IL17D: variants seen among roughly 807,000 people sequenced by gnomAD.
The protein encoded by IL17D is interleukin-17D.
In IL17D, 10 loss-of-function variants were observed where a neutral mutation model predicts 5.7. That is an observed-to-expected ratio of 1.75 (90% confidence interval 1.08 to 2.97). IL17D has a LOEUF of 2.97. IL17D is among the 30% of genes most tolerant of loss of function. IL17D has a pLI of 0.00. For missense variants in IL17D, 354 were observed against 292.7 expected (o/e 1.21, Z -1.53); for synonymous variants, 172 against 141.7 (o/e 1.21, Z -1.52).
intron 1 of IL17D, among the ~76,000 whole-genome samples, chr13:20,709,699 CTG>C (rs66818715): frequency 0.64 from 97,180 of 151,848 alleles, 32,524 homozygotes; most frequent in Non-Finnish European, 0.75. Flanking sequence ...ACTCTTGTAT[CTG>C]TTAAAGTTTT....
intron 1 of IL17D, among the ~76,000 whole-genome samples, chr13:20,707,881 C>T (rs1566517782): frequency 6.6e-6 from 1 of 152,036 alleles, no homozygotes; most frequent in Non-Finnish European, 1.5e-5. Context: ...GGAGTGCCCA[C>T]CTGCAGGCTG....
At position 20,721,992 on chromosome 13, in the gene IL17D, C is replaced by T; in HGVS notation, c.*38C>T. On this transcript the variant is annotated 3_prime_UTR_variant, in exon 2 of 2. Transcript: ENST00000682841. ...CCCGGGAGGTCTCCCCGGCCCGCAT[C>T]CCGAGGCGCCCAAGCTGGAGCCGCC... 2 of 1,501,212 alleles carry T rather than the reference C, an allele frequency of 1.3e-6. No individual in the cohort carries two copies. The highest frequency in any genetic ancestry group is 2.1e-5 in the Admixed American group (1 of 47,440). The allele number at this position is 1,501,212 out of a possible 1,614,324, so 93.0% of individuals were successfully genotyped here. A position where few individuals can be genotyped will look rare whatever the true frequency, so the allele number is the denominator to read the frequency against.
At chr13:20,709,512 A>G (rs2058617558) in intron 1 of IL17D, among the ~76,000 whole-genome samples, 2 of 152,322 alleles carry the variant, frequency 1.3e-5, no homozygotes, top group South Asian at 4.1e-4. Context: ...GGAAAGGGGT[A>G]TATAGCATGC....
At chr13:20,702,809 C>A (rs2058555560), upstream of IL17D, 1 of 152,190 alleles carries the variant, frequency 6.6e-6, no homozygotes, top group South Asian at 2.1e-4. Context: ...AGGATCATTT[C>A]ATGTTGTTGA....
intron 1 of IL17D, among the ~76,000 whole-genome samples, chr13:20,709,480 ATCAC>A (rs950204063): frequency 1.4e-4 from 22 of 152,332 alleles, no homozygotes; most frequent in African/African-American, 4.6e-4. Flanking sequence ...AAGTGGATCA[ATCAC>A]TCACCAATAC....
chr13:20,705,073 G>A (rs1225645001), intron 1 of IL17D, among the ~76,000 whole-genome samples: 2 of 152,076 alleles, frequency 1.3e-5, no homozygotes, highest in Non-Finnish European at 2.9e-5. Context: ...CGTGTAGGCA[G>A]GGTGCCGCAG....
chr13:20,710,628 TAAAAAAAAAA>T (rs11445353), intron 1 of IL17D, among the ~76,000 whole-genome samples: 4 of 55,266 alleles, frequency 7.2e-5, no homozygotes, highest in African/African-American at 2.4e-4. Context: ...AAACTCTGTC[TAAAAAAAAAA>T]AAAAAAAAAA....
At chr13:20,718,902 C>T (rs1201915641) in intron 1 of IL17D, among the ~76,000 whole-genome samples, 1 of 140,386 alleles carries the variant, frequency 7.1e-6, no homozygotes, top group African/African-American at 2.7e-5. Flanking sequence ...GCTCACACAC[C>T]CGCCCATGCT....
At chr13:20,705,723 G>T (rs1185519939) in intron 1 of IL17D, among the ~76,000 whole-genome samples, 1 of 152,152 alleles carries the variant, frequency 6.6e-6, no homozygotes, top group Admixed American at 6.5e-5. Flanking sequence ...GAGAAAAAAA[G>T]TCTTGACACT....
chr13:20,704,055 C>A lies in IL17D; in HGVS notation c.54C>A (p.Ala18=). ...TGCCGCCGAGCTGGGCCGCGGGCGC[C>A]CCGAGGGCGGGCAGGCGCCCCGCGC... The part of the protein sequence containing the change: ...LALPPSWAAG[A]PRAGRRPARP... The change falls in exon 1 of 2, where the codon GCC becomes GCA. Residue 18 remains alanine (A), a synonymous_variant. Transcript: ENST00000682841. 1 of 1,068,552 alleles carries A rather than the reference C, an allele frequency of 9.4e-7. No homozygotes were observed. The highest frequency in any genetic ancestry group is 1.1e-6 in the Non-Finnish European group (1 of 889,206). 66.2% of individuals were successfully genotyped at this position (1,068,552 alleles called of 1,614,324 possible). A position where few individuals can be genotyped will look rare whatever the true frequency, so the allele number is the denominator to read the frequency against.
rs2058672150 is a variant in IL17D, at chr13:20,715,475, G to A, written c.291-6161G>A. On this transcript the variant is annotated intron_variant, in intron 1 of 1. Coordinates refer to ENST00000682841, the MANE Select transcript of IL17D (RefSeq NM_001385224.1). ...AGTTGTTTGCCATCAGCTGCAAATC[G>A]ATAGATAGATCCGAGCTTAGCCAAT... Among the ~76,000 whole-genome samples the A allele has an allele frequency of 3.3e-5, 5 of 152,298 alleles. No individual in the cohort carries two copies. The South Asian group carries it at 8.3e-4, about 25-fold the overall frequency.
At chr13:20,709,570 G>A (rs550529705) in intron 1 of IL17D, among the ~76,000 whole-genome samples, 2 of 152,316 alleles carry the variant, frequency 1.3e-5, no homozygotes, top group East Asian at 3.9e-4. Context: ...ATGTACATAT[G>A]ACACATTCTG....
chr13:20,716,610 T>A lies in IL17D; in HGVS notation c.291-5026T>A, dbSNP rs908062673. On this transcript the variant is annotated intron_variant, in intron 1 of 1. Transcript: ENST00000682841. The surrounding 1 kb of genome is among the most constrained non-coding windows in gnomAD (Gnocchi z 4.2). ...CAAGGTTACTGGGTGGTGACTAAGT[T>A]GGGCTACAGTTTTAGGTCCCAGACT... Among the ~76,000 whole-genome samples, 1 of 152,198 alleles carries A rather than the reference T, an allele frequency of 6.6e-6. No homozygotes were observed. The highest frequency in any genetic ancestry group is 1.5e-5 in the Non-Finnish European group (1 of 68,038).
intron 1 of IL17D, among the ~76,000 whole-genome samples, chr13:20,706,987 A>T (rs530884634): frequency 6.6e-6 from 1 of 152,244 alleles, no homozygotes; most frequent in East Asian, 1.9e-4. Flanking sequence ...CCCATGGGCA[A>T]ACGGAGGTGG....
chr13:20,712,303 A>T (rs3000676), intron 1 of IL17D: 54,894 of 152,310 alleles, frequency 0.36, 11,348 homozygotes, highest in East Asian at 0.78. Flanking sequence ...TTGTTAAGAC[A>T]CCAGGCCGGG....
chr13:20,720,874 A>ACCCCCCCCCCCCCC (rs67735251), intron 1 of IL17D, among the ~76,000 whole-genome samples: 18 of 75,712 alleles, frequency 2.4e-4, no homozygotes, highest in African/African-American at 3.5e-4. Flanking sequence ...CTCCCTCCCA[A>ACCCCCCCCCCCCCC]CCCCCCCCCC....
chr13:20,722,324 G>GCTTGCCA lies in IL17D; in HGVS notation c.*370_*371insCTTGCCA. 4.0e-6 allele frequency: 1 copy of GCTTGCCA among 250,654 alleles called. No individual in the cohort carries two copies. Among genetic ancestry groups the GCTTGCCA allele is most frequent in the Non-Finnish European group, 7.5e-6 (1 of 133,222 alleles). The allele number at this position is 250,654 out of a possible 1,614,324, so 15.5% of individuals were successfully genotyped here. On this transcript the variant is annotated 3_prime_UTR_variant, in exon 2 of 2. Coordinates refer to ENST00000682841, the MANE Select transcript of IL17D (RefSeq NM_001385224.1). ...GCTGGGTGCTTGCCAAAGAGATAGG[G>GCTTGCCA]ACGCATATGCTTTTTAAAGCAATCT...
chr13:20,708,028 T>C (rs182037464), intron 1 of IL17D, among the ~76,000 whole-genome samples: 20 of 152,364 alleles, frequency 1.3e-4, no homozygotes, highest in African/African-American at 4.6e-4. Flanking sequence ...TTCTCCTGTC[T>C]CAGCTTCTGG....
chr13:20,714,412 G>C (rs967927558), intron 1 of IL17D, among the ~76,000 whole-genome samples: 1 of 152,214 alleles, frequency 6.6e-6, no homozygotes, highest in Non-Finnish European at 1.5e-5. Context: ...TTGGCTGTGG[G>C]GGGCAGTGCG....
Sources: gnomAD v4.1 joint callset for allele counts (sites outside exome capture counted in the v4.1 genomes callset) on GRCh38, gnomAD v4.1.1 for gene constraint, Gnocchi (gnomAD v3.1) non-coding constraint, MANE v1.5 for transcripts, NCBI Gene and HGNC (gene_info 2026-07-23, HGNC 2026-07-21) for gene names.